The following NSRP1 variants were observed in gnomAD, a reference collection of about 807,000 sequenced individuals.
NSRP1 encodes the protein coiled-coil domain containing 55.
A neutral mutation model predicts 54.7 loss-of-function variants in NSRP1; 24 were observed. That is an observed-to-expected ratio of 0.44 (90% confidence interval 0.32 to 0.62). The LOEUF is 0.62. Ranked by LOEUF, NSRP1 falls within the 20% of genes least tolerant of loss-of-function variation. The probability of loss-of-function intolerance (pLI) is 0.06; values close to 1 mark genes in which losing one functional copy is unlikely to be tolerated. For missense variants in NSRP1, 596 were observed against 651.2 expected, an observed-to-expected ratio of 0.92 and a Z score of 0.92; for synonymous variants, 210 against 213.8, an observed-to-expected ratio of 0.98 and a Z score of 0.15.
chr17:30,161,002 A>G (rs887690566), intron 2 of NSRP1, among the ~76,000 whole-genome samples: 1 of 152,204 alleles, frequency 6.6e-6, no homozygotes, highest in African/African-American at 2.4e-5. Context: ...AAGACCATAA[A>G]CGGGTGAATG....
At position 30,181,022 on chromosome 17, in the gene NSRP1, G is replaced by A. The variant is rs1406471817; in HGVS notation, c.617+6G>A. The A allele has an allele frequency of 2.6e-6, 4 of 1,537,668 alleles. No homozygotes were observed. The Admixed American group carries it at 5.0e-5, about 19-fold the overall frequency. ...TGCAGCTTTCGTGAAGCCAGGTGAG[G>A]AGACGTGTATGAAATATTTTGAAGA... On this transcript the variant is annotated splice_donor_region_variant and intron_variant, in intron 6 of 6. Coordinates refer to ENST00000247026, the MANE Select transcript of NSRP1 (RefSeq NM_032141.4).
chr17:30,183,049 T>G (rs1905370338), intron 6 of NSRP1, among the ~76,000 whole-genome samples: 1 of 152,164 alleles, frequency 6.6e-6, no homozygotes, highest in African/African-American at 2.4e-5. Context: ...GTTGCCATAC[T>G]GGGGACAGCT....
chr17:30,157,759 C>A (rs1210222092), intron 2 of NSRP1, among the ~76,000 whole-genome samples: 1 of 152,128 alleles, frequency 6.6e-6, no homozygotes, highest in Non-Finnish European at 1.5e-5. Flanking sequence ...TGAGGACATG[C>A]AATATTTGTC....
At chr17:30,129,986 T>C (rs2071684961) in intron 2 of NSRP1, among the ~76,000 whole-genome samples, 1 of 152,176 alleles carries the variant, frequency 6.6e-6, no homozygotes. Flanking sequence ...ACATACTGGC[T>C]AAGAGTGAAA....
At chr17:30,149,834 C>CAA (rs773066888) in intron 2 of NSRP1, among the ~76,000 whole-genome samples, 2,391 of 98,564 alleles carry the variant, frequency 0.024, 106 homozygotes, top group African/African-American at 0.076. Flanking sequence ...GACCCTGTCT[C>CAA]AAAAAAAAAA....
intron 2 of NSRP1, among the ~76,000 whole-genome samples, chr17:30,159,606 C>T (rs931904201): frequency 1.3e-5 from 2 of 151,982 alleles, no homozygotes; most frequent in African/African-American, 4.8e-5. Context: ...ATGGGTTTGT[C>T]ATATATGGCC....
chr17:30,139,608 T>C (rs762018523), intron 2 of NSRP1, among the ~76,000 whole-genome samples: 1 of 152,216 alleles, frequency 6.6e-6, no homozygotes, highest in Non-Finnish European at 1.5e-5. Context: ...TAATCTGGTG[T>C]TGATTTTGCT....
At chr17:30,120,335 G>T (rs1390704480) in intron 2 of NSRP1, among the ~76,000 whole-genome samples, 1 of 152,042 alleles carries the variant, frequency 6.6e-6, no homozygotes, top group Non-Finnish European at 1.5e-5. Flanking sequence ...ATGAATCAAG[G>T]TTACTAGTTA....
rs1026913745 is a variant in NSRP1, at chr17:30,179,617, G to A, written c.508+320G>A. 3.9e-5 allele frequency among the ~76,000 whole-genome samples: 6 copies of A among 152,178 alleles called. No individual in the cohort carries two copies. The South Asian group carries it at 1.2e-3, about 32-fold the overall frequency. On this transcript the variant is annotated intron_variant, in intron 5 of 6. Coordinates refer to ENST00000247026, the MANE Select transcript of NSRP1 (RefSeq NM_032141.4). ...TACAAAGTATAACGCCATGGCATTT[G>A]TCAGAAACAATATAAATATAATTTT...
chr17:30,158,562 T>C (rs1284890328), intron 2 of NSRP1, among the ~76,000 whole-genome samples: 1 of 152,144 alleles, frequency 6.6e-6, no homozygotes, highest in African/African-American at 2.4e-5. Context: ...GGAGCATTTC[T>C]CCTGTGTTTT....
chr17:30,173,930 A>G (rs903212968), intron 3 of NSRP1, among the ~76,000 whole-genome samples: 11 of 152,218 alleles, frequency 7.2e-5, no homozygotes, highest in African/African-American at 2.7e-4. Context: ...GTGAAATATA[A>G]TGTGTAACTC....
chr17:30,164,774 G>A (rs1237925339), intron 2 of NSRP1, among the ~76,000 whole-genome samples: 1 of 152,092 alleles, frequency 6.6e-6, no homozygotes, highest in African/African-American at 2.4e-5. Flanking sequence ...CTCCAGCCTG[G>A]ACAACAGAGC....
intron 3 of NSRP1, among the ~76,000 whole-genome samples, chr17:30,173,590 T>A (rs999979473): frequency 3.9e-5 from 6 of 152,254 alleles, no homozygotes; most frequent in African/African-American, 1.4e-4. Flanking sequence ...TTTGTCTAAC[T>A]GGAAACCTGC....
chr17:30,181,148 C>G, intron 6 of NSRP1, 132 bp downstream of exon 6: 1 of 638,860 alleles, frequency 1.6e-6, no homozygotes, highest in South Asian at 1.7e-5. Context: ...CCTTACCTAA[C>G]TGAATGAATG....
At chr17:30,176,500 C>T (rs1057347268) in intron 3 of NSRP1, among the ~76,000 whole-genome samples, 1 of 151,798 alleles carries the variant, frequency 6.6e-6, no homozygotes. Flanking sequence ...ATCCTAGCTA[C>T]TCAGGAGGCT....
chr17:30,184,888 G>A lies in NSRP1; in HGVS notation c.891G>A (p.Gly297=), dbSNP rs749056645. 3 of 1,613,938 alleles carry A rather than the reference G, an allele frequency of 1.9e-6. No homozygotes were observed. The highest frequency in any genetic ancestry group is 2.5e-6 in the Non-Finnish European group (3 of 1,180,028). ...CTCGGTCACCTAGTGAAGAAAGAGG[G>A]CACAGTACCAGGCACCACACGAAAG... ...NHSRSPSEER[G]HSTRHHTKGS... The change falls in exon 7 of 7, where the codon GGG becomes GGA. Residue 297 remains glycine (G), a synonymous_variant. Transcript: ENST00000247026.
chr17:30,117,454 T>A (rs1284845848), intron 1 of NSRP1: 8 of 425,112 alleles, frequency 1.9e-5, no homozygotes, highest in African/African-American at 1.6e-4. Context: ...GATCTCCGCA[T>A]CTTAAAGGCC....
intron 6 of NSRP1, among the ~76,000 whole-genome samples, chr17:30,182,044 G>C (rs1381842730): frequency 3.1e-5 from 4 of 128,240 alleles, no homozygotes; most frequent in African/African-American, 1.2e-4. Flanking sequence ...ACTGCACCTG[G>C]CTGCTTTTTT....
At chr17:30,139,820 C>G (rs965970996) in intron 2 of NSRP1, among the ~76,000 whole-genome samples, 1 of 152,080 alleles carries the variant, frequency 6.6e-6, no homozygotes, top group African/African-American at 2.4e-5. Context: ...GTCAGGAGAT[C>G]GAGACCATCC....
Sources: allele counts gnomAD v4.1 joint callset (sites outside exome capture counted in the v4.1 genomes callset), GRCh38; gene constraint gnomAD v4.1.1; transcripts MANE v1.5; gene names NCBI Gene and HGNC (gene_info 2026-07-23, HGNC 2026-07-21).